The following OR1J2 variants were observed in gnomAD, a reference collection of about 807,000 sequenced individuals.
OR1J2 encodes the protein olfactory receptor 1J2.
For missense variants in OR1J2, 304 were observed against 246.1 expected (o/e 1.24, Z -1.57); for synonymous variants, 142 against 99.7 (o/e 1.42, Z -2.52).
At chr9:122,507,965 C>T (rs1200147089), upstream of OR1J2, among the ~76,000 whole-genome samples, 1 of 152,028 alleles carries the variant, frequency 6.6e-6, no homozygotes, top group African/African-American at 2.4e-5. Context: ...CTGAGATTCG[C>T]AAGAGTTAAG....
chr9:122,514,796 C>T (rs1279322956), downstream of OR1J2, among the ~76,000 whole-genome samples: 1 of 152,130 alleles, frequency 6.6e-6, no homozygotes, highest in Non-Finnish European at 1.5e-5. Flanking sequence ...GGTCTTTCCC[C>T]ATCTCTTTTT....
chr9:122,452,008 A>G, the OR1J2 span, among the ~76,000 whole-genome samples: 4 of 152,048 alleles, frequency 2.6e-5, no homozygotes, highest in African/African-American at 9.7e-5. Context: ...CCTCCCGAGT[A>G]ACTGGGACTA....
At chr9:122,477,305 TA>T in the OR1J2 span, 2 of 1,614,126 alleles carry the variant, frequency 1.2e-6, no homozygotes, top group South Asian at 2.2e-5. Flanking sequence ...AATGGAAGCA[TA>T]ATGGCTGTCA....
chr9:122,497,888 A>G, the OR1J2 span, among the ~76,000 whole-genome samples: 1 of 152,020 alleles, frequency 6.6e-6, no homozygotes, highest in Non-Finnish European at 1.5e-5. Flanking sequence ...CTCTATTTTC[A>G]TTTATTTCAA....
the OR1J2 span, among the ~76,000 whole-genome samples, chr9:122,555,484 G>T: frequency 0.019 from 2,939 of 152,240 alleles, 88 homozygotes; most frequent in African/African-American, 0.066. Context: ...GGTTGGGAAA[G>T]GCAAGTTTTG....
At position 122,511,225 on chromosome 9, in the gene OR1J2, GTCT is replaced by G. The variant is rs757875879; in HGVS notation, c.429_431del (p.Phe143del). ...TGTCATCATGAGGGAAGAGCTCTGT[GTCT>G]TCTTAGTGGCTGTATCTTGGATTCT... is the stretch of plus-strand genomic sequence containing the variant. On this transcript the variant is annotated inframe_deletion, in exon 1 of 1. Coordinates refer to ENST00000335302, the MANE Select transcript of OR1J2 (RefSeq NM_054107.1). 19 of 752,752 alleles carry G rather than the reference GTCT, an allele frequency of 2.5e-5. No homozygotes were observed. Among genetic ancestry groups the G allele is most frequent in the Admixed American group, 9.1e-5 (5 of 55,138 alleles). 46.6% of individuals were successfully genotyped at this position (752,752 alleles called of 1,614,324 possible).
chr9:122,538,372 CT>C, the OR1J2 span, among the ~76,000 whole-genome samples: 1 of 152,024 alleles, frequency 6.6e-6, no homozygotes, highest in Admixed American at 6.6e-5. Context: ...AGGTATCTTA[CT>C]TTGTGTGTGT....
the OR1J2 span, among the ~76,000 whole-genome samples, chr9:122,554,551 A>G: frequency 6.6e-6 from 1 of 152,180 alleles, no homozygotes; most frequent in Non-Finnish European, 1.5e-5. Context: ...ACTATCCACA[A>G]TGTTCCTCAT....
chr9:122,454,136 G>A, the OR1J2 span, among the ~76,000 whole-genome samples: 1 of 152,154 alleles, frequency 6.6e-6, no homozygotes, highest in Admixed American at 6.6e-5. Context: ...AATAAATCTT[G>A]GGGTATTTCC....
At chr9:122,545,048 A>T in the OR1J2 span, among the ~76,000 whole-genome samples, 1 of 152,110 alleles carries the variant, frequency 6.6e-6, no homozygotes, top group African/African-American at 2.4e-5. Flanking sequence ...AATATAATTC[A>T]TCTCAAAATA....
At chr9:122,510,621 A>G (rs1471346677), upstream of OR1J2, among the ~76,000 whole-genome samples, 1 of 152,010 alleles carries the variant, frequency 6.6e-6, no homozygotes, top group Non-Finnish European at 1.5e-5. Flanking sequence ...CCCAGAATGC[A>G]TTATATATTT....
the OR1J2 span, among the ~76,000 whole-genome samples, chr9:122,484,161 G>A: frequency 2.6e-5 from 4 of 151,812 alleles, no homozygotes; most frequent in African/African-American, 9.7e-5. Flanking sequence ...TATTTTTGGG[G>A]GTTTTTTGTT....
At chr9:122,491,554 C>T in the OR1J2 span, among the ~76,000 whole-genome samples, 2 of 152,046 alleles carry the variant, frequency 1.3e-5, no homozygotes, top group Admixed American at 6.6e-5. Flanking sequence ...CCCCAAAAGA[C>T]ATCAAATAAC....
At chr9:122,531,909 C>G in the OR1J2 span, among the ~76,000 whole-genome samples, 117,762 of 151,946 alleles carry the variant, frequency 0.78, 46,351 homozygotes, top group East Asian at 1. Context: ...AAAGTGTCTA[C>G]CTAGACCAAG....
chr9:122,521,255 T>C, the OR1J2 span, among the ~76,000 whole-genome samples: 13 of 152,244 alleles, frequency 8.5e-5, no homozygotes, highest in African/African-American at 3.1e-4. Context: ...GAAGCAGAAC[T>C]TGTGCAGACA....
chr9:122,477,983 G>A, the OR1J2 span: 1 of 1,223,138 alleles, frequency 8.2e-7, no homozygotes, highest in Non-Finnish European at 1.2e-6. Context: ...GGTATGTCTT[G>A]GAATAAGAAA....
the OR1J2 span, among the ~76,000 whole-genome samples, chr9:122,575,721 A>G: frequency 1.3e-5 from 2 of 152,202 alleles, no homozygotes; most frequent in Non-Finnish European, 2.9e-5. Context: ...GAAGCAGATT[A>G]ACATATCTAT....
the OR1J2 span, among the ~76,000 whole-genome samples, chr9:122,501,455 G>A: frequency 6.6e-6 from 1 of 152,172 alleles, no homozygotes; most frequent in African/African-American, 2.4e-5. Flanking sequence ...CAATGGACAA[G>A]TTTCCGAAGC....
the OR1J2 span, among the ~76,000 whole-genome samples, chr9:122,517,093 C>T: frequency 6.6e-6 from 1 of 152,196 alleles, no homozygotes; most frequent in Non-Finnish European, 1.5e-5. Flanking sequence ...ATGACTTAGG[C>T]TCATAGTCTC....
Sources: allele counts gnomAD v4.1 joint callset (sites outside exome capture counted in the v4.1 genomes callset), GRCh38; gene constraint gnomAD v4.1.1; transcripts MANE v1.5; gene names NCBI Gene and HGNC (gene_info 2026-07-23, HGNC 2026-07-21).